NUF2: variants seen among roughly 807,000 people sequenced by gnomAD.
The protein encoded by NUF2 is NUF2 component of NDC80 kinetochore complex, also known as kinetochore protein Nuf2.
A neutral mutation model predicts 61.8 loss-of-function variants in NUF2; 34 were observed. The ratio of observed to expected loss-of-function variants is 0.55; its 90% confidence interval spans 0.42 to 0.73. The LOEUF is 0.73. NUF2 is among the 30% of genes least tolerant of loss of function. The pLI, the probability that NUF2 is intolerant of heterozygous loss-of-function variation, is 0.00. For synonymous variants in NUF2, 172 were observed against 181.6 expected, an observed-to-expected ratio of 0.95 and a Z score of 0.42; for missense variants, 445 against 539.1, an observed-to-expected ratio of 0.83 and a Z score of 1.73.
chr1:163,343,599 A>C (rs1016802858), intron 9 of NUF2, 134 bp from the exon 10 acceptor site: 34 of 386,618 alleles, frequency 8.8e-5, no homozygotes, highest in Middle Eastern at 7.2e-4. Context: ...TTAAGTAGGT[A>C]AGTGATGTGT....
rs190993825 is a variant in NUF2 at position 163,341,493 on chromosome 1, C to T, written c.669+1067C>T. Among the ~76,000 whole-genome samples, 528 of 152,246 alleles carry T rather than the reference C, an allele frequency of 3.5e-3. 10 individuals carry two copies. The highest frequency in any genetic ancestry group is 0.028 in the Admixed American group (429 of 15,294). On this transcript the variant is annotated intron_variant, in intron 9 of 13. Transcript: ENST00000271452. ...AAAGTGCTGGGATTACAGGCATGAG[C>T]GACCACACCAGGCCAAAAAAATCTC...
intron 3 of NUF2, chr1:163,327,942 A>G (rs1044135633): frequency 2.7e-6 from 1 of 377,222 alleles, no homozygotes; most frequent in Admixed American, 4.4e-5. Context: ...TAAGATTGAA[A>G]CAATTGAAAT....
chr1:163,346,663 G>C (rs918895851), intron 11 of NUF2, among the ~76,000 whole-genome samples: 1 of 152,126 alleles, frequency 6.6e-6, no homozygotes, highest in African/African-American at 2.4e-5. Context: ...AGACCAGCTT[G>C]AACAACATAG....
intron 5 of NUF2, among the ~76,000 whole-genome samples, chr1:163,334,064 G>A (rs1445957971): frequency 6.6e-6 from 1 of 152,128 alleles, no homozygotes. Flanking sequence ...GTGACAATGT[G>A]CAGTATTTGA....
At chr1:163,345,250 A>G (rs1218801613) in intron 10 of NUF2, among the ~76,000 whole-genome samples, 1 of 152,108 alleles carries the variant, frequency 6.6e-6, no homozygotes. Flanking sequence ...TTCATTTTGT[A>G]ATTTTAGAAG....
At chr1:163,342,897 C>T (rs372439349) in intron 9 of NUF2, among the ~76,000 whole-genome samples, 1 of 152,110 alleles carries the variant, frequency 6.6e-6, no homozygotes, top group African/African-American at 2.4e-5. Flanking sequence ...ATATGTTGAT[C>T]TGTGAATTGG....
At chr1:163,327,597 T>TG in intron 3 of NUF2, 35 bp downstream of exon 3, 1 of 1,339,130 alleles carries the variant, frequency 7.5e-7, no homozygotes. Flanking sequence ...ATGGGGTTTT[T>TG]TTTGTTTGTT....
rs914012737 is a variant in NUF2, at chr1:163,339,360, A to C, written c.510-21A>C. The stretch of plus-strand genomic sequence containing the variant: ...TTTCAAAAGTGAAGAGCAGTATTTT[A>C]ATCTATTTTGCTGTGTTAAGTTCTG... On this transcript the variant is annotated intron_variant, in intron 7 of 13. Coordinates refer to ENST00000271452, the MANE Select transcript of NUF2 (RefSeq NM_145697.3). 3.4e-6 allele frequency: 5 copies of C among 1,480,352 alleles called. No homozygotes were observed. In the African/African-American group the frequency reaches 5.6e-5, roughly 16 times the overall value. The allele number at this position is 1,480,352 out of a possible 1,614,324, so 91.7% of individuals were successfully genotyped here. A position where few individuals can be genotyped will look rare whatever the true frequency, so the allele number is the denominator to read the frequency against.
chr1:163,337,446 G>A (rs1260341973), intron 6 of NUF2, among the ~76,000 whole-genome samples: 1 of 152,018 alleles, frequency 6.6e-6, no homozygotes, highest in Non-Finnish European at 1.5e-5. Flanking sequence ...CAAACACTTA[G>A]ACCCTAGGCT....
At chr1:163,354,558 A>C (rs28548818) in intron 13 of NUF2, among the ~76,000 whole-genome samples, 1 of 152,114 alleles carries the variant, frequency 6.6e-6, no homozygotes, top group African/African-American at 2.4e-5. Context: ...TGGGAGAGAC[A>C]CTTAAAATTG....
At chr1:163,347,322 G>A (rs923841935) in intron 11 of NUF2, among the ~76,000 whole-genome samples, 1 of 152,192 alleles carries the variant, frequency 6.6e-6, no homozygotes, top group Non-Finnish European at 1.5e-5. Flanking sequence ...GATAAGTAGG[G>A]ATTAGAAGGT....
intron 5 of NUF2, among the ~76,000 whole-genome samples, chr1:163,330,772 C>A (rs2101670335): frequency 6.6e-6 from 1 of 151,964 alleles, no homozygotes; most frequent in East Asian, 1.9e-4. Context: ...AGAGTGCAGA[C>A]CTTGTATAAT....
intron 10 of NUF2, 44 bp from the exon 11 acceptor site, chr1:163,345,634 A>G: frequency 6.4e-7 from 1 of 1,555,792 alleles, no homozygotes; most frequent in Non-Finnish European, 8.7e-7. Context: ...CAGCTTCATA[A>G]AGAAGAATAT....
intron 1 of NUF2, 77 bp from the exon 2 acceptor site, chr1:163,325,955 G>A (rs1650403022): frequency 1.8e-6 from 2 of 1,129,396 alleles, no homozygotes; most frequent in Admixed American, 2.0e-5. Flanking sequence ...GGCTCATTTT[G>A]TCATTATGTT....
At position 163,329,788 on chromosome 1, in the gene NUF2, T is replaced by C. The variant is rs74918463; in HGVS notation, c.337+881T>C. ...AACACAGATGTTTAGAGCAACTTTA[T>C]TCATAATTACCAGAATTTGAAAGTA... is the stretch of plus-strand genomic sequence containing the variant. On this transcript the variant is annotated intron_variant, in intron 5 of 13. Coordinates refer to ENST00000271452, the MANE Select transcript of NUF2 (RefSeq NM_145697.3). Among the ~76,000 whole-genome samples the C allele has an allele frequency of 9.1e-4, 139 of 152,300 alleles. No homozygotes were observed. The East Asian group carries it at 0.026, about 29-fold the overall frequency.
At position 163,343,984 on chromosome 1, in the gene NUF2, T is replaced by A. The variant is rs1043083701; in HGVS notation, c.807+114T>A. 3 of 529,534 alleles carry A rather than the reference T, an allele frequency of 5.7e-6. No individual in the cohort carries two copies. In the African/African-American group the frequency reaches 6.0e-5, roughly 11 times the overall value. 32.8% of individuals were successfully genotyped at this position (529,534 alleles called of 1,614,324 possible). ...TGAATTATCTATACTTCTCTTCCTCTTAAACTTTTTTGACCTTATTTCTAA... is the reference window on the plus strand; with the variant it reads ...TGAATTATCTATACTTCTCTTCCTCATAAACTTTTTTGACCTTATTTCTAA... On this transcript the variant is annotated intron_variant, in intron 10 of 13. Transcript: ENST00000271452.
chr1:163,347,955 A>G lies in NUF2; in HGVS notation c.1124+17A>G, dbSNP rs1345057806. 3 of 1,450,794 alleles carry G rather than the reference A, an allele frequency of 2.1e-6. No individual in the cohort carries two copies. Among genetic ancestry groups the G allele is most frequent in the Non-Finnish European group, 2.7e-6 (3 of 1,091,980 alleles). The allele number at this position is 1,450,794 out of a possible 1,614,324, so 89.9% of individuals were successfully genotyped here. A position where few individuals can be genotyped will look rare whatever the true frequency, so the allele number is the denominator to read the frequency against. ...AGTAATTGAGTATGGAGTTGTTTTC[A>G]ATTTTAGTGTATTAGAAAGCAATTA... On this transcript the variant is annotated intron_variant, in intron 12 of 13. Transcript: ENST00000271452.
chr1:163,353,787 G>A (rs77750389), intron 13 of NUF2, among the ~76,000 whole-genome samples: 1,592 of 152,250 alleles, frequency 0.01, 29 homozygotes, highest in East Asian at 0.034. Context: ...AACTTCAAAT[G>A]TTTTTGTCTC....
chr1:163,329,221 A>G (rs1279794159), intron 5 of NUF2, among the ~76,000 whole-genome samples: 1 of 152,162 alleles, frequency 6.6e-6, no homozygotes, highest in Non-Finnish European at 1.5e-5. Flanking sequence ...TCATCATACC[A>G]ATTTTATCAA....
Sources: allele counts gnomAD v4.1 joint callset (sites outside exome capture counted in the v4.1 genomes callset), GRCh38; gene constraint gnomAD v4.1.1; transcripts MANE v1.5; gene names NCBI Gene and HGNC (gene_info 2026-07-23, HGNC 2026-07-21).